KCNQ2: variants seen among roughly 807,000 people sequenced by gnomAD.
KCNQ2 encodes the protein potassium voltage-gated channel subfamily Q member 2.
KCNQ2 carries 14 observed loss-of-function variants against 84.8 expected under a neutral mutation model. The observed-to-expected ratio is 0.17, with a 90% CI of 0.11 to 0.26. The LOEUF is 0.26. Ranked by LOEUF, KCNQ2 falls within the 10% of genes least tolerant of loss-of-function variation. KCNQ2 has a pLI of 1.00. For missense variants in KCNQ2, 788 were observed against 1,254.0 expected (o/e 0.63, Z 5.61); for synonymous variants, 599 against 554.1 (o/e 1.08, Z -1.14).
chr20:63,426,165 GTC>G (rs2080628652), intron 10 of KCNQ2, among the ~76,000 whole-genome samples: 1 of 152,224 alleles, frequency 6.6e-6, no homozygotes, highest in Non-Finnish European at 1.5e-5. Flanking sequence ...GTCCAACGCT[GTC>G]TCTGCCAATC....
At chr20:63,439,084 A>G (rs6090421) in intron 6 of KCNQ2, among the ~76,000 whole-genome samples, 12,347 of 152,116 alleles carry the variant, frequency 0.081, 811 homozygotes, top group African/African-American at 0.16. Flanking sequence ...TCCCTTCCAC[A>G]CAGAAGAGTC....
rs2297385 is a variant in KCNQ2, at chr20:63,439,613, G to A, written c.912C>T (p.Phe304=). ...AATFTLIGVS[F]FALPAGILGS... is the part of the protein sequence containing the mutation. ...CTGGACTTACTGCAGGCAGCGCGAA[G>A]AAGGAGACACCGATGAGGGTGAAGG... is the stretch of plus-strand genomic sequence containing the variant. The change falls in exon 6 of 17, where the codon TTC becomes TTT. Residue 304 remains phenylalanine, a synonymous_variant. Transcript: ENST00000359125. 135,893 of 1,612,774 alleles carry A rather than the reference G, an allele frequency of 0.084. 9,799 individuals carry two copies. Among genetic ancestry groups the A allele is most frequent in the East Asian group, 0.45 (20,075 of 44,856 alleles).
At chr20:63,424,869 G>C (rs1033612504) in intron 10 of KCNQ2, among the ~76,000 whole-genome samples, 2 of 152,222 alleles carry the variant, frequency 1.3e-5, no homozygotes, top group Non-Finnish European at 2.9e-5. Flanking sequence ...AGGCCCCAGC[G>C]ATCTCATTCG....
Position 63,401,595 on chromosome 20 carries a change from C to T in KCNQ2, c.*5049G>A, listed in dbSNP as rs1349758392. ...AGGCTCCCCAGGCGGCCATTCCGTC[C>T]TGCAGCCCCTAAAGGCCCTGACCAG... is the stretch of plus-strand genomic sequence containing the variant. On this transcript the variant is annotated 3_prime_UTR_variant, in exon 17 of 17. Transcript: ENST00000359125. The T allele has an allele frequency of 2.0e-5, 3 of 152,924 alleles. No individual in the cohort carries two copies. In the East Asian group the frequency reaches 5.8e-4, roughly 29 times the overall value. The allele number at this position is 152,924 out of a possible 1,614,324, so 9.5% of individuals were successfully genotyped here.
intron 5 of KCNQ2, 86 bp from the exon 6 acceptor site, chr20:63,439,794 G>T: frequency 2.0e-6 from 2 of 1,007,336 alleles, no homozygotes; most frequent in Non-Finnish European, 3.1e-6. Flanking sequence ...CTCGGGGCTT[G>T]GGATGGGACA....
chr20:63,472,176 G>A lies in KCNQ2; in HGVS notation c.288C>T (p.His96=), dbSNP rs370799364. 3.8e-5 allele frequency: 58 copies of A among 1,528,676 alleles called. No individual in the cohort carries two copies. The highest frequency in any genetic ancestry group is 5.1e-5 in the Non-Finnish European group (58 of 1,138,650). 94.7% of individuals were successfully genotyped at this position (1,528,676 alleles called of 1,614,324 possible). The part of the protein sequence containing the change: ...ERPRGWAFIY[H]AYVFLLVFSC... ...CCCCGCCGGCCACTCACACGTAGGC[G>A]TGGTAGATGAACGCCCAGCCGCGCG... Residue 96 remains histidine (H), a synonymous_variant, in exon 1 of 17, where the codon CAC becomes CAT. Transcript: ENST00000359125.
chr20:63,417,970 C>T (rs1163600045), intron 12 of KCNQ2, among the ~76,000 whole-genome samples: 4 of 152,162 alleles, frequency 2.6e-5, no homozygotes, highest in South Asian at 2.1e-4. Context: ...TCTCGGGCTC[C>T]GCTCCCACCT....
In KCNQ2 at chr20:63,408,155, C is replaced by T. The variant is rs766935083; in HGVS notation, c.1887+258G>A. ...AACCCCTGAGGGATCCACCTCTCAG[C>T]AGCCCCCACCCAGGACTCCTGGGGA... On this transcript the variant is annotated intron_variant, in intron 16 of 16. Transcript: ENST00000359125. The surrounding 1 kb of genome is among the most constrained non-coding windows in gnomAD (Gnocchi z 5.0). 1.8e-5 allele frequency: 9 copies of T among 513,598 alleles called. No homozygotes were observed. Among genetic ancestry groups the T allele is most frequent in the African/African-American group, 1.4e-4 (7 of 51,816 alleles). 31.8% of individuals were successfully genotyped at this position (513,598 alleles called of 1,614,324 possible).
At chr20:63,469,422 T>C (rs1040367677) in intron 1 of KCNQ2, among the ~76,000 whole-genome samples, 2 of 152,172 alleles carry the variant, frequency 1.3e-5, no homozygotes, top group Non-Finnish European at 2.9e-5. Context: ...GTGGATGAAG[T>C]CCCTCTCTAA....
At chr20:63,469,878 C>G (rs1399375904) in intron 1 of KCNQ2, among the ~76,000 whole-genome samples, 1 of 152,260 alleles carries the variant, frequency 6.6e-6, no homozygotes, top group African/African-American at 2.4e-5. Context: ...TGGGCTGGGC[C>G]ACGGGGACAG....
At position 63,400,603 on chromosome 20, in the gene KCNQ2, A is replaced by C. The variant is rs1317374085; in HGVS notation, c.*6041T>G. On this transcript the variant is annotated 3_prime_UTR_variant, in exon 17 of 17. Coordinates refer to ENST00000359125, the MANE Select transcript of KCNQ2 (RefSeq NM_172107.4). This position sits in a 1 kb window ranked among gnomAD's most constrained non-coding sequence, Gnocchi z 8.7. ...GAAGGCATTATGAAATGTTCTTTGG[A>C]GCATGAACAAAAGTGCAGACAGCCA... The C allele has an allele frequency of 2.5e-6, 1 of 398,530 alleles. No individual in the cohort carries two copies. Among genetic ancestry groups the C allele is most frequent in the Non-Finnish European group, 4.4e-6 (1 of 226,044 alleles). 24.7% of individuals were successfully genotyped at this position (398,530 alleles called of 1,614,324 possible).
chr20:63,451,761 C>T (rs989373091), intron 1 of KCNQ2, among the ~76,000 whole-genome samples: 2 of 152,140 alleles, frequency 1.3e-5, no homozygotes, highest in African/African-American at 4.8e-5. Flanking sequence ...GCCAGCATGG[C>T]CCCCTGCAGC....
At chr20:63,424,878 C>T (rs1215173018) in intron 10 of KCNQ2, among the ~76,000 whole-genome samples, 2 of 152,252 alleles carry the variant, frequency 1.3e-5, no homozygotes, top group Non-Finnish European at 2.9e-5. Flanking sequence ...CGATCTCATT[C>T]GAACACCTGG....
chr20:63,433,726 GAAC>G, intron 8 of KCNQ2, 80 bp downstream of exon 8: 3 of 1,609,032 alleles, frequency 1.9e-6, no homozygotes, highest in African/African-American at 1.3e-5. Context: ...TCAAAATAAT[GAAC>G]AACAAAAAGT....
Position 63,472,449 on chromosome 20 carries a change from C to T in KCNQ2, c.15G>A (p.Ser5=). The change falls in exon 1 of 17, where the codon TCG becomes TCA. Residue 5 remains serine (S), a synonymous_variant. Transcript: ENST00000359125. The stretch of plus-strand genomic sequence containing the variant: ...GGCCGGGGTATACGCCGCCGTTGCG[C>T]GACTTCTGCACCATGGTGCCTGGCG... MVQK[S]RNGGVYPGPS... 2 of 1,531,366 alleles carry T rather than the reference C, an allele frequency of 1.3e-6. No individual in the cohort carries two copies. Among genetic ancestry groups the T allele is most frequent in the South Asian group, 2.4e-5 (2 of 82,554 alleles). 94.9% of individuals were successfully genotyped at this position (1,531,366 alleles called of 1,614,324 possible).
intron 1 of KCNQ2, among the ~76,000 whole-genome samples, chr20:63,455,395 C>T (rs1022746495): frequency 6.6e-6 from 1 of 152,134 alleles, no homozygotes; most frequent in Non-Finnish European, 1.5e-5. Context: ...AGGGGGACAC[C>T]TGGACCGCGG....
chr20:63,410,374 G>C (rs2145512944), intron 15 of KCNQ2, among the ~76,000 whole-genome samples: 1 of 152,310 alleles, frequency 6.6e-6, no homozygotes, highest in Admixed American at 6.5e-5. Context: ...GAGGAGACTT[G>C]ATCCCTGAGT....
At position 63,406,707 on chromosome 20, in the gene KCNQ2, C is replaced by G; in HGVS notation, c.2556G>C (p.Pro852=). Reference sequence around the variant, plus strand: ...GACCCTCGCCGGTGGCCGAGCGTGGCGGGGGCCCGCACGGGGTACAGAGGT... The same window carrying G: ...GACCCTCGCCGGTGGCCGAGCGTGGGGGGGGCCCGCACGGGGTACAGAGGT... The part of the protein sequence containing the change: ...DSDLCTPCGP[P]PRSATGEGPF... The change falls in exon 17 of 17, where the codon CCG becomes CCC. Residue 852 remains proline (P), a synonymous_variant. Transcript: ENST00000359125. The G allele has an allele frequency of 6.2e-7, 1 of 1,602,396 alleles. No homozygotes were observed. Among genetic ancestry groups the G allele is most frequent in the South Asian group, 1.1e-5 (1 of 90,220 alleles).
At chr20:63,451,887 G>C (rs906819029) in intron 1 of KCNQ2, among the ~76,000 whole-genome samples, 2 of 152,228 alleles carry the variant, frequency 1.3e-5, no homozygotes, top group African/African-American at 2.4e-5. Flanking sequence ...TCTGCTGCAC[G>C]GCCCAGGGCG....
Sources: gnomAD v4.1 joint callset for allele counts (sites outside exome capture counted in the v4.1 genomes callset) on GRCh38, gnomAD v4.1.1 for gene constraint, Gnocchi (gnomAD v3.1) non-coding constraint, MANE v1.5 for transcripts, NCBI Gene and HGNC (gene_info 2026-07-23, HGNC 2026-07-21) for gene names.